The following TBC1D9 variants were observed in gnomAD, a reference collection of about 807,000 sequenced individuals.
TBC1D9 encodes TBC1 domain family member 9, also known as TBC1 domain family member 9A.
A neutral mutation model predicts 132.0 loss-of-function variants in TBC1D9; 63 were observed. The observed-to-expected ratio is 0.48, with a 90% CI of 0.39 to 0.59. The LOEUF (loss-of-function observed/expected upper bound fraction) is 0.59. TBC1D9 is among the 20% of genes least tolerant of loss of function. The pLI is 0.00. For missense variants in TBC1D9, 1,261 were observed against 1,592.7 expected (o/e 0.79, Z 3.54); for synonymous variants, 610 against 609.9 (o/e 1.00, Z 0.00).
intron 1 of TBC1D9, among the ~76,000 whole-genome samples, chr4:140,750,861 A>C (rs1050192624): frequency 1.3e-5 from 2 of 152,048 alleles, no homozygotes; most frequent in African/African-American, 4.8e-5. Flanking sequence ...TCGACTTACA[A>C]ATTTTTTTTT....
At chr4:140,739,957 T>G (rs1376926932) in intron 1 of TBC1D9, among the ~76,000 whole-genome samples, 3 of 152,238 alleles carry the variant, frequency 2.0e-5, no homozygotes, top group Non-Finnish European at 4.4e-5. Flanking sequence ...CTTAATGTTC[T>G]GCTTGATCTT....
chr4:140,734,915 G>A (rs1432200068), intron 1 of TBC1D9, among the ~76,000 whole-genome samples: 1 of 152,128 alleles, frequency 6.6e-6, no homozygotes, highest in Non-Finnish European at 1.5e-5. Flanking sequence ...CCCATTTTCA[G>A]ATAAAAAGCA....
At chr4:140,688,816 T>G (rs1323781346) in intron 2 of TBC1D9, among the ~76,000 whole-genome samples, 1 of 152,214 alleles carries the variant, frequency 6.6e-6, no homozygotes, top group Non-Finnish European at 1.5e-5. Context: ...TTTGAAATAT[T>G]TAGGGAATGA....
intron 3 of TBC1D9, among the ~76,000 whole-genome samples, chr4:140,681,835 C>G (rs1386673206): frequency 6.6e-6 from 1 of 152,186 alleles, no homozygotes; most frequent in African/African-American, 2.4e-5. Context: ...CTTTCCAGGT[C>G]CAGCATAAAT....
intron 13 of TBC1D9, chr4:140,643,811 C>T (rs1737052361): frequency 6.4e-6 from 5 of 776,320 alleles, no homozygotes; most frequent in Non-Finnish European, 1.1e-5. Flanking sequence ...CGGTGGCACT[C>T]AGCGCCTGGG....
At chr4:140,630,880 C>A (rs1050195832) in intron 16 of TBC1D9, among the ~76,000 whole-genome samples, 10 of 152,176 alleles carry the variant, frequency 6.6e-5, no homozygotes, top group Non-Finnish European at 4.4e-5. Context: ...GCCAGACACA[C>A]TTCTAGAACT....
At chr4:140,637,333 G>GCCTGGGT (rs1167092054) in intron 15 of TBC1D9, among the ~76,000 whole-genome samples, 2 of 150,556 alleles carry the variant, frequency 1.3e-5, no homozygotes, top group African/African-American at 4.9e-5. Context: ...CTGGGTGACA[G>GCCTGGGT]AACGAGACTC....
At chr4:140,633,892 A>G in intron 16 of TBC1D9, 56 bp downstream of exon 16, 1 of 1,598,244 alleles carries the variant, frequency 6.3e-7, no homozygotes, top group Non-Finnish European at 8.5e-7. Flanking sequence ...CATGGGCAAC[A>G]CTAGGCACAA....
chr4:140,649,895 C>A (rs1737161402), intron 13 of TBC1D9, among the ~76,000 whole-genome samples: 1 of 152,202 alleles, frequency 6.6e-6, no homozygotes, highest in African/African-American at 2.4e-5. Context: ...CATCAGGGAA[C>A]ACCCTCATAA....
rs1739014328 is a variant in TBC1D9, at chr4:140,756,236, G to T, written c.-191C>A. 1 of 345,016 alleles carries T rather than the reference G, an allele frequency of 2.9e-6. No homozygotes were observed. The highest frequency in any genetic ancestry group is 5.1e-6 in the Non-Finnish European group (1 of 194,898). 21.4% of individuals were successfully genotyped at this position (345,016 alleles called of 1,614,324 possible). Reference sequence around the variant, plus strand: ...GGCCACAACAAAGCCCCAGCAGGCGGCCCGGGAGGACGGTGAGGACGCGGG... The same window carrying T: ...GGCCACAACAAAGCCCCAGCAGGCGTCCCGGGAGGACGGTGAGGACGCGGG... On this transcript the variant is annotated 5_prime_UTR_variant, in exon 1 of 21. Transcript: ENST00000442267. The surrounding 1 kb of genome is among the most constrained non-coding windows in gnomAD (Gnocchi z 5.6).
At position 140,683,800 on chromosome 4, in the gene TBC1D9, AG is replaced by A. The variant is rs1737741554; in HGVS notation, c.360+2543del. Among the ~76,000 whole-genome samples the A allele has an allele frequency of 2.0e-5, 3 of 152,372 alleles. No homozygotes were observed. The South Asian group carries it at 6.2e-4, about 32-fold the overall frequency. On this transcript the variant is annotated intron_variant, in intron 3 of 20. Coordinates refer to ENST00000442267, the MANE Select transcript of TBC1D9 (RefSeq NM_015130.3). ...AGATTCTAACTGACAATATCTACTA[AG>A]GTCTATTAAAAATACTTAAACTACT... is the stretch of plus-strand genomic sequence containing the variant.
chr4:140,750,139 C>A (rs1446767713), intron 1 of TBC1D9, among the ~76,000 whole-genome samples: 1 of 142,316 alleles, frequency 7.0e-6, no homozygotes, highest in East Asian at 2.1e-4. Context: ...AAAATGAAAA[C>A]AGGCAAGGAG....
intron 10 of TBC1D9, among the ~76,000 whole-genome samples, chr4:140,660,975 T>C (rs929176764): frequency 5.3e-4 from 81 of 152,038 alleles, no homozygotes; most frequent in African/African-American, 1.1e-3. Context: ...AGTGCAGTGG[T>C]ATGATCTCAG....
chr4:140,711,833 T>C (rs1335572581), intron 1 of TBC1D9, among the ~76,000 whole-genome samples: 1 of 152,194 alleles, frequency 6.6e-6, no homozygotes, highest in Admixed American at 6.5e-5. Flanking sequence ...TATTACAAAT[T>C]ACAATACATG....
At chr4:140,728,665 C>CT (rs1738537138) in intron 1 of TBC1D9, among the ~76,000 whole-genome samples, 1 of 151,032 alleles carries the variant, frequency 6.6e-6, no homozygotes, top group African/African-American at 2.4e-5. Context: ...CCACGCTCGG[C>CT]TTTTTTTGTT....
chr4:140,734,743 T>G (rs1169400668), intron 1 of TBC1D9, among the ~76,000 whole-genome samples: 1 of 152,132 alleles, frequency 6.6e-6, no homozygotes, highest in East Asian at 1.9e-4. Context: ...TGCAATGAGC[T>G]ATGATCAAGC....
In TBC1D9 at chr4:140,628,661, G is replaced by A. The variant is rs540910541; in HGVS notation, c.2747-296C>T. On this transcript the variant is annotated intron_variant, in intron 16 of 20. Transcript: ENST00000442267. Reference sequence around the variant, plus strand: ...AGTGATCTTGATGTCAGGACTCCACGAAATGTCAGAACTAAAAGTGTTAAA... The same window carrying A: ...AGTGATCTTGATGTCAGGACTCCACAAAATGTCAGAACTAAAAGTGTTAAA... Among the ~76,000 whole-genome samples the A allele has an allele frequency of 3.9e-5, 6 of 152,268 alleles. No individual in the cohort carries two copies. In the East Asian group the frequency reaches 5.8e-4, roughly 15 times the overall value.
chr4:140,705,541 TGC>T (rs143610127), intron 1 of TBC1D9, among the ~76,000 whole-genome samples: 6 of 144,242 alleles, frequency 4.2e-5, no homozygotes, highest in African/African-American at 1.3e-4. Context: ...TGTGTGTGTG[TGC>T]GTTTTAAACC....
At chr4:140,641,090 C>CA (rs35813378) in intron 13 of TBC1D9, among the ~76,000 whole-genome samples, 472 of 34,924 alleles carry the variant, frequency 0.014, 26 homozygotes, top group Middle Eastern at 0.038. Context: ...TAATACTAAG[C>CA]AAAAAAAAAA....
Sources: allele counts gnomAD v4.1 joint callset (sites outside exome capture counted in the v4.1 genomes callset), GRCh38; gene constraint gnomAD v4.1.1; non-coding constraint Gnocchi (gnomAD v3.1); transcripts MANE v1.5; gene names NCBI Gene and HGNC (gene_info 2026-07-23, HGNC 2026-07-21).